Variants in COL26A1 observed in about 807,000 individuals in gnomAD.
COL26A1 encodes the protein collagen type XXVI alpha 1 chain.
A neutral mutation model predicts 59.3 loss-of-function variants in COL26A1; 41 were observed. The ratio of observed to expected loss-of-function variants is 0.69; its 90% CI spans 0.54 to 0.90. The LOEUF (loss-of-function observed/expected upper bound fraction) is 0.90, where lower values mean the gene tolerates loss of function less well. COL26A1 is among the 40% of genes least tolerant of loss of function. The pLI, the probability that COL26A1 is intolerant of heterozygous loss-of-function variation, is 0.00. For missense variants in COL26A1, 612 were observed against 602.3 expected (o/e 1.02, Z -0.17); for synonymous variants, 266 against 256.0 (o/e 1.04, Z -0.37).
At chr7:101,439,424 C>T (rs1016297707) in intron 2 of COL26A1, among the ~76,000 whole-genome samples, 9 of 151,584 alleles carry the variant, frequency 5.9e-5, no homozygotes, top group Non-Finnish European at 1.2e-4. Flanking sequence ...AGTGGTGGTG[C>T]GCACCTGTAA....
intron 3 of COL26A1, among the ~76,000 whole-genome samples, chr7:101,460,975 G>A (rs1361171884): frequency 1.3e-5 from 2 of 151,740 alleles, no homozygotes; most frequent in South Asian, 2.1e-4. Flanking sequence ...TTGCACCTGC[G>A]GGATGTTACT....
At chr7:101,543,931 C>A (rs1795670519) in intron 5 of COL26A1, 67 bp from the exon 6 acceptor site, 10 of 1,209,538 alleles carry the variant, frequency 8.3e-6, no homozygotes, top group Non-Finnish European at 1.2e-5. Context: ...CCCAGGGGGC[C>A]AGGCCTGGAG....
intron 3 of COL26A1, among the ~76,000 whole-genome samples, chr7:101,462,099 A>G (rs4380872): frequency 0.27 from 40,385 of 147,754 alleles, 5,838 homozygotes; most frequent in Middle Eastern, 0.35. Flanking sequence ...TCCCAGTTTC[A>G]AGTGATTCTC....
intron 3 of COL26A1, among the ~76,000 whole-genome samples, chr7:101,499,785 G>A (rs1794661809): frequency 6.6e-6 from 1 of 151,934 alleles, no homozygotes; most frequent in South Asian, 2.1e-4. Flanking sequence ...GCTGAGGCAG[G>A]AGGATCACTT....
intron 1 of COL26A1, among the ~76,000 whole-genome samples, chr7:101,387,778 A>ATATATTT (rs773025730): frequency 2.1e-4 from 18 of 84,804 alleles, no homozygotes; most frequent in African/African-American, 8.5e-4. Flanking sequence ...ATATATATAT[A>ATATATTT]TTTTTTTTTA....
chr7:101,505,308 G>A (rs572873568), intron 3 of COL26A1, among the ~76,000 whole-genome samples: 2 of 152,196 alleles, frequency 1.3e-5, no homozygotes, highest in East Asian at 3.9e-4. Flanking sequence ...GTATGCATGA[G>A]TGTGATGGGT....
chr7:101,363,082 C>G lies in COL26A1; in HGVS notation c.50C>G (p.Ser17Trp). The change falls in exon 1 of 13, where the codon TCG becomes TGG. Residue 17 changes from serine to tryptophan, a missense_variant. Coordinates refer to ENST00000313669, the MANE Select transcript of COL26A1 (RefSeq NM_001278563.3). The stretch of plus-strand genomic sequence containing the variant: ...TGGGCGTGTTGCTGCCTCTGCGGGT[C>G]GGCGCTGGCCACCGGCTTCCTCTAT... ...LPWACCCLCG[S>W]ALATGFLYPF... 1 of 1,577,610 alleles carries G rather than the reference C, an allele frequency of 6.3e-7. No individual in the cohort carries two copies. Among genetic ancestry groups the G allele is most frequent in the Non-Finnish European group, 8.5e-7 (1 of 1,170,540 alleles).
intron 12 of COL26A1, among the ~76,000 whole-genome samples, chr7:101,557,120 A>G (rs1482509596): frequency 6.6e-6 from 1 of 151,768 alleles, no homozygotes; most frequent in Non-Finnish European, 1.5e-5. Flanking sequence ...TGAATGGGTG[A>G]ATGGATGAAT....
chr7:101,540,164 T>G, intron 5 of COL26A1, 115 bp downstream of exon 5: 1 of 1,090,248 alleles, frequency 9.2e-7, no homozygotes, highest in Non-Finnish European at 1.3e-6. Context: ...CAACATGCCA[T>G]GTGGCATTTT....
chr7:101,363,015 C>G lies in COL26A1; in HGVS notation c.-18C>G, dbSNP rs377048229. On this transcript the variant is annotated 5_prime_UTR_variant, in exon 1 of 13. Coordinates refer to ENST00000313669, the MANE Select transcript of COL26A1 (RefSeq NM_001278563.3). The stretch of plus-strand genomic sequence containing the variant: ...CCTCGTGCCCGGGACTCCGGGTCCC[C>G]GCGGGCTGCTGCGCACGATGAAGCT... 385 of 1,565,848 alleles carry G rather than the reference C, an allele frequency of 2.5e-4. No individual in the cohort carries two copies. In the African/African-American group the frequency reaches 4.5e-3, roughly 18 times the overall value.
At chr7:101,410,218 G>A (rs1188602365) in intron 1 of COL26A1, among the ~76,000 whole-genome samples, 5 of 152,180 alleles carry the variant, frequency 3.3e-5, no homozygotes, top group Admixed American at 2.6e-4. Context: ...GCCAGCTGGT[G>A]TTCGTTGGTT....
intron 1 of COL26A1, among the ~76,000 whole-genome samples, chr7:101,363,967 G>T (rs1423293029): frequency 6.6e-6 from 1 of 152,178 alleles, no homozygotes; most frequent in Non-Finnish European, 1.5e-5. Flanking sequence ...AGGCCGCGGA[G>T]GATCCTCGGC....
At chr7:101,458,980 A>T (rs554225545) in intron 3 of COL26A1, among the ~76,000 whole-genome samples, 1 of 151,742 alleles carries the variant, frequency 6.6e-6, no homozygotes, top group Admixed American at 6.6e-5. Flanking sequence ...TTTTTAATTT[A>T]TTTCATTTTT....
chr7:101,502,297 G>C (rs1012404232), intron 3 of COL26A1, among the ~76,000 whole-genome samples: 8 of 152,114 alleles, frequency 5.3e-5, no homozygotes, highest in Non-Finnish European at 1.0e-4. Context: ...AGCCGAGATC[G>C]CACCACTGCA....
chr7:101,534,661 A>G (rs921214984), intron 4 of COL26A1, among the ~76,000 whole-genome samples: 1 of 148,040 alleles, frequency 6.8e-6, no homozygotes, highest in Admixed American at 6.6e-5. Context: ...ATATACACAC[A>G]CACACACACA....
intron 3 of COL26A1, among the ~76,000 whole-genome samples, chr7:101,521,242 C>T (rs1230063772): frequency 2.6e-5 from 4 of 152,218 alleles, no homozygotes; most frequent in African/African-American, 4.8e-5. Context: ...CACCTCCCAC[C>T]GTGTCCCTCC....
At chr7:101,545,627 C>G in intron 7 of COL26A1, 137 bp downstream of exon 7, 5 of 861,894 alleles carry the variant, frequency 5.8e-6, no homozygotes, top group Non-Finnish European at 8.4e-6. Context: ...CTCACTCCTG[C>G]AGGCCTCCTC....
At chr7:101,508,137 G>A (rs1482328859) in intron 3 of COL26A1, among the ~76,000 whole-genome samples, 8 of 152,150 alleles carry the variant, frequency 5.3e-5, no homozygotes, top group Admixed American at 4.6e-4. Context: ...ATCACAAGCT[G>A]TTTGAGGCTC....
At chr7:101,551,849 G>A (rs962705074) in intron 10 of COL26A1, among the ~76,000 whole-genome samples, 1 of 152,234 alleles carries the variant, frequency 6.6e-6, no homozygotes, top group African/African-American at 2.4e-5. Flanking sequence ...GGGGCGGGGA[G>A]GAGGAGTGGA....
Sources: gnomAD v4.1 joint callset for allele counts (sites outside exome capture counted in the v4.1 genomes callset) on GRCh38, gnomAD v4.1.1 for gene constraint, MANE v1.5 for transcripts, NCBI Gene and HGNC (gene_info 2026-07-23, HGNC 2026-07-21) for gene names.